The following HS3ST4 variants were observed in gnomAD, a reference collection of about 807,000 sequenced individuals.
The protein encoded by HS3ST4 is heparan sulfate-glucosamine 3-sulfotransferase 4.
In HS3ST4, 17 loss-of-function variants were observed where a neutral mutation model predicts 29.2. That is an observed-to-expected ratio of 0.58 (90% CI 0.40 to 0.87). The LOEUF (loss-of-function observed/expected upper bound fraction) is 0.87, where lower values mean the gene tolerates loss of function less well. Among genes scored for constraint, HS3ST4 ranks in the 40% least tolerant of loss-of-function variants. HS3ST4 has a pLI of 0.00. For missense variants in HS3ST4, 627 were observed against 634.5 expected, an observed-to-expected ratio of 0.99 and a Z score of 0.13; for synonymous variants, 314 against 285.7, an observed-to-expected ratio of 1.10 and a Z score of -1.00.
intron 1 of HS3ST4, among the ~76,000 whole-genome samples, chr16:26,129,178 A>C (rs1403945440): frequency 6.6e-6 from 1 of 152,230 alleles, no homozygotes; most frequent in African/African-American, 2.4e-5. Flanking sequence ...ATGTAGCTTG[A>C]TCTGGCAAGA....
chr16:25,777,625 G>A (rs953754682), intron 1 of HS3ST4, among the ~76,000 whole-genome samples: 4 of 152,068 alleles, frequency 2.6e-5, no homozygotes, highest in Admixed American at 6.6e-5. Context: ...AAAATTAGCC[G>A]GGCATGGTGC....
At chr16:25,992,073 T>C (rs1471084613) in intron 1 of HS3ST4, among the ~76,000 whole-genome samples, 1 of 152,150 alleles carries the variant, frequency 6.6e-6, no homozygotes, top group Non-Finnish European at 1.5e-5. Context: ...GCAAGGTTTG[T>C]AAAGTATCTA....
rs760030168 is a variant in HS3ST4 at position 25,692,587 on chromosome 16, G to T, written c.170G>T (p.Gly57Val). 2.8e-6 allele frequency: 4 copies of T among 1,421,748 alleles called. No homozygotes were observed. Among genetic ancestry groups the T allele is most frequent in the African/African-American group, 3.0e-5 (2 of 66,970 alleles). 88.1% of individuals were successfully genotyped at this position (1,421,748 alleles called of 1,614,324 possible). A position where few individuals can be genotyped will look rare whatever the true frequency, so the allele number is the denominator to read the frequency against. ...TGCTACAGCCTCCTGGGCGGCTCGG[G>T]CTCCCTGCAATTCCCTCTGGCGCTG... is the stretch of plus-strand genomic sequence containing the variant. ...YLCYSLLGGS[G>V]SLQFPLALQE... Residue 57 changes from glycine to valine, a missense_variant, in exon 1 of 2, where the codon GGC (glycine) becomes GTC (valine). Coordinates refer to ENST00000331351, the MANE Select transcript of HS3ST4 (RefSeq NM_006040.3).
chr16:26,010,413 C>T (rs540406244), intron 1 of HS3ST4, among the ~76,000 whole-genome samples: 14 of 151,260 alleles, frequency 9.3e-5, no homozygotes, highest in South Asian at 2.1e-4. Context: ...GAGATCACGC[C>T]GCTGCACTCT....
chr16:25,819,492 A>G (rs371230852), intron 1 of HS3ST4, among the ~76,000 whole-genome samples: 102 of 152,192 alleles, frequency 6.7e-4, no homozygotes, highest in African/African-American at 2.3e-3. Context: ...ATTCGGTGGG[A>G]TTGTGAGACT....
intron 1 of HS3ST4, among the ~76,000 whole-genome samples, chr16:25,694,615 T>A (rs1021999601): frequency 1.3e-5 from 2 of 152,120 alleles, no homozygotes; most frequent in Non-Finnish European, 2.9e-5. Flanking sequence ...AGTTTGTGAT[T>A]ATAATTAAAA....
At chr16:25,902,272 G>A (rs954942574) in intron 1 of HS3ST4, among the ~76,000 whole-genome samples, 2 of 151,918 alleles carry the variant, frequency 1.3e-5, no homozygotes, top group Non-Finnish European at 2.9e-5. Flanking sequence ...AATCCCACAC[G>A]TTGTGAGGAC....
intron 1 of HS3ST4, among the ~76,000 whole-genome samples, chr16:25,708,691 A>G (rs1164275647): frequency 6.6e-6 from 1 of 152,210 alleles, no homozygotes; most frequent in East Asian, 1.9e-4. Context: ...AATGAGAACC[A>G]TGGATTTCCT....
At chr16:25,710,538 G>A (rs1051455634) in intron 1 of HS3ST4, among the ~76,000 whole-genome samples, 40 of 85,264 alleles carry the variant, frequency 4.7e-4, no homozygotes, top group African/African-American at 9.8e-4. Flanking sequence ...AGTCTGGCTC[G>A]TTCCTTATTT....
At chr16:26,072,316 G>T (rs939578916) in intron 1 of HS3ST4, among the ~76,000 whole-genome samples, 1 of 152,174 alleles carries the variant, frequency 6.6e-6, no homozygotes, top group Non-Finnish European at 1.5e-5. Flanking sequence ...AGCCAATCTA[G>T]AAGAGGGATG....
chr16:26,115,142 C>T (rs930514398), intron 1 of HS3ST4, among the ~76,000 whole-genome samples: 1 of 151,894 alleles, frequency 6.6e-6, no homozygotes, highest in African/African-American at 2.4e-5. Context: ...ATATTTGTGT[C>T]AACATACTCC....
At chr16:25,983,599 G>A (rs770680755) in intron 1 of HS3ST4, among the ~76,000 whole-genome samples, 8 of 152,114 alleles carry the variant, frequency 5.3e-5, no homozygotes, top group South Asian at 2.1e-4. Flanking sequence ...GTTATCATTC[G>A]TGGTGGATGC....
intron 1 of HS3ST4, among the ~76,000 whole-genome samples, chr16:26,123,447 A>G (rs1428013807): frequency 6.6e-6 from 1 of 152,170 alleles, no homozygotes; most frequent in African/African-American, 2.4e-5. Context: ...CCTACCCTGA[A>G]AGTCTTTGAC....
chr16:25,841,052 T>C (rs1967407640), intron 1 of HS3ST4, among the ~76,000 whole-genome samples: 2 of 151,866 alleles, frequency 1.3e-5, no homozygotes, highest in African/African-American at 4.8e-5. Context: ...TCACCTACGC[T>C]GGAGTGCAGT....
At chr16:26,132,070 T>C (rs1899427764) in intron 1 of HS3ST4, among the ~76,000 whole-genome samples, 1 of 152,188 alleles carries the variant, frequency 6.6e-6, no homozygotes, top group Non-Finnish European at 1.5e-5. Flanking sequence ...AATACTTCAT[T>C]ATATGATGCT....
rs764916998 is a variant in HS3ST4 at position 25,788,704 on chromosome 16, C to G, written c.734+95553C>G. ...TATAGGCATGCACCACCACACTGGG[C>G]TAAATAATTTTTTTTTTGTAGAGAT... is the stretch of plus-strand genomic sequence containing the variant. On this transcript the variant is annotated intron_variant, in intron 1 of 1. Transcript: ENST00000331351. 8.6e-4 allele frequency among the ~76,000 whole-genome samples: 131 copies of G among 151,628 alleles called. 3 individuals are homozygous for G. The highest frequency in any genetic ancestry group is 4.2e-4 in the South Asian group (2 of 4,788).
At chr16:26,072,569 G>A (rs1199033048) in intron 1 of HS3ST4, among the ~76,000 whole-genome samples, 1 of 152,108 alleles carries the variant, frequency 6.6e-6, no homozygotes, top group Admixed American at 6.5e-5. Flanking sequence ...GTGGCTAAAG[G>A]TGTGTTTTTG....
intron 1 of HS3ST4, among the ~76,000 whole-genome samples, chr16:25,890,738 T>G (rs1388504170): frequency 1.3e-5 from 2 of 152,224 alleles, no homozygotes; most frequent in Non-Finnish European, 2.9e-5. Context: ...TCTCAGGATA[T>G]TCATTTGCAT....
intron 1 of HS3ST4, among the ~76,000 whole-genome samples, chr16:25,850,009 T>G (rs987639444): frequency 1.3e-5 from 2 of 151,220 alleles, no homozygotes; most frequent in African/African-American, 4.9e-5. Context: ...GCCTTTTTTT[T>G]TTTTTTTGAG....
Sources: allele counts gnomAD v4.1 joint callset (sites outside exome capture counted in the v4.1 genomes callset), GRCh38; gene constraint gnomAD v4.1.1; transcripts MANE v1.5; gene names NCBI Gene and HGNC (gene_info 2026-07-23, HGNC 2026-07-21).